CEP162: variants seen among roughly 807,000 people sequenced by gnomAD.
CEP162 encodes the protein centrosomal protein of 162 kDa.
CEP162 carries 141 observed loss-of-function variants against 169.2 expected under a neutral mutation model. The observed-to-expected ratio is 0.83, with a 90% CI of 0.73 to 0.96. The LOEUF (loss-of-function observed/expected upper bound fraction) is 0.96. Ranked by LOEUF, CEP162 falls within the 40% of genes least tolerant of loss-of-function variation. The probability of loss-of-function intolerance (pLI) is 0.00; values close to 1 mark genes in which losing one functional copy is unlikely to be tolerated. For synonymous variants in CEP162, 540 were observed against 526.4 expected, an observed-to-expected ratio of 1.03 and a Z score of -0.35; for missense variants, 1,600 against 1,587.2, an observed-to-expected ratio of 1.01 and a Z score of -0.14.
chr6:84,199,200 C>T (rs2099543401), intron 9 of CEP162, among the ~76,000 whole-genome samples: 1 of 152,102 alleles, frequency 6.6e-6, no homozygotes, highest in Non-Finnish European at 1.5e-5. Flanking sequence ...CTTAAATCAA[C>T]AGCAGTAAAA....
rs1406186511 is a variant in CEP162 at position 84,169,282 on chromosome 6, T to C, written c.2385+46A>G. The C allele has an allele frequency of 2.8e-6, 3 of 1,071,282 alleles. No homozygotes were observed. In the East Asian group the frequency reaches 8.1e-5, roughly 29 times the overall value. 66.4% of individuals were successfully genotyped at this position (1,071,282 alleles called of 1,614,324 possible). On this transcript the variant is annotated intron_variant, in intron 18 of 26. Coordinates refer to ENST00000403245, the MANE Select transcript of CEP162 (RefSeq NM_014895.4). ...ATTTGTATAAAAATGGGGATTTTTATAAAACCTTTATTATCCCTAATAGTC... is the reference window on the plus strand; with the variant it reads ...ATTTGTATAAAAATGGGGATTTTTACAAAACCTTTATTATCCCTAATAGTC...
chr6:84,175,758 G>A (rs761081407), intron 13 of CEP162, among the ~76,000 whole-genome samples: 42 of 152,104 alleles, frequency 2.8e-4, no homozygotes, highest in African/African-American at 9.6e-4. Flanking sequence ...ATTTTGGTGC[G>A]GACTAAGTGT....
At chr6:84,133,370 C>G (rs2099512435) in intron 25 of CEP162, among the ~76,000 whole-genome samples, 1 of 152,164 alleles carries the variant, frequency 6.6e-6, no homozygotes, top group South Asian at 2.1e-4. Flanking sequence ...CTGGGAGAAC[C>G]ACTACTCTCT....
At chr6:84,189,463 G>GCAGC (rs1346890998) in intron 11 of CEP162, among the ~76,000 whole-genome samples, 1 of 152,242 alleles carries the variant, frequency 6.6e-6, no homozygotes, top group Admixed American at 6.5e-5. Flanking sequence ...CGCACTCGGA[G>GCAGC]CAGCCAGCCA....
At chr6:84,219,930 G>A (rs1387327865) in intron 3 of CEP162, among the ~76,000 whole-genome samples, 1 of 152,174 alleles carries the variant, frequency 6.6e-6, no homozygotes, top group Non-Finnish European at 1.5e-5. Flanking sequence ...AGAGCTAGAA[G>A]ATAGAGTGAA....
intron 21 of CEP162, among the ~76,000 whole-genome samples, chr6:84,158,591 T>C (rs961042395): frequency 1.2e-4 from 19 of 152,200 alleles, no homozygotes; most frequent in African/African-American, 3.9e-4. Context: ...AATTGGGATA[T>C]ATCCATCTAC....
chr6:84,186,728 ATTG>A (rs2099537342), intron 11 of CEP162, 105 bp from the exon 12 acceptor site: 7 of 870,314 alleles, frequency 8.0e-6, no homozygotes, highest in Admixed American at 3.0e-5. Context: ...ATATATTTGA[ATTG>A]TTAACTATTC....
intron 13 of CEP162, among the ~76,000 whole-genome samples, chr6:84,184,402 C>T (rs1365331750): frequency 1.3e-5 from 2 of 152,106 alleles, no homozygotes; most frequent in Non-Finnish European, 2.9e-5. Flanking sequence ...CTCCTATTCT[C>T]GCTTACTGCC....
chr6:84,199,307 T>C (rs1427165816), intron 9 of CEP162, among the ~76,000 whole-genome samples: 1 of 152,160 alleles, frequency 6.6e-6, no homozygotes, highest in Non-Finnish European at 1.5e-5. Context: ...TTATGTCTTA[T>C]AGTTGTAATT....
chr6:84,139,463 G>T (rs2099515592), intron 25 of CEP162, among the ~76,000 whole-genome samples: 1 of 152,102 alleles, frequency 6.6e-6, no homozygotes, highest in Admixed American at 6.6e-5. Context: ...TCTGTCTTTT[G>T]TTACAGTGGC....
rs116369149 is a variant in CEP162, at chr6:84,211,113, T to C, written c.571+1844A>G. 1.9e-3 allele frequency among the ~76,000 whole-genome samples: 291 copies of C among 151,702 alleles called. 1 individual carries two copies. The highest frequency in any genetic ancestry group is 6.7e-3 in the African/African-American group (278 of 41,324). ...AAGACACACAGAAATGAACAAATAC[T>C]GAGATCTGTAAAATATGTTTAATAT... On this transcript the variant is annotated intron_variant, in intron 6 of 26. Transcript: ENST00000403245.
At position 84,171,853 on chromosome 6, in the gene CEP162, T is replaced by A. The variant is rs187773146; in HGVS notation, c.2167-135A>T. The A allele has an allele frequency of 2.4e-3, 985 of 407,780 alleles. 27 individuals carry two copies. The Admixed American group carries it at 0.036, about 15-fold the overall frequency. 25.3% of individuals were successfully genotyped at this position (407,780 alleles called of 1,614,324 possible). Reference sequence around the variant, plus strand: ...TAGCTTTTGCGTATGTAAAGTCTTTTTTAAACTTTTTATATTATATCTGAA... The same window carrying A: ...TAGCTTTTGCGTATGTAAAGTCTTTATTAAACTTTTTATATTATATCTGAA... On this transcript the variant is annotated intron_variant, in intron 16 of 26. Transcript: ENST00000403245.
intron 25 of CEP162, among the ~76,000 whole-genome samples, chr6:84,134,814 C>G (rs377552213): frequency 4.7e-4 from 71 of 151,998 alleles, no homozygotes; most frequent in Non-Finnish European, 6.8e-4. Context: ...GCCTCCCCCC[C>G]ACAGATTAAA....
At chr6:84,143,537 T>A (rs2099517564) in intron 25 of CEP162, among the ~76,000 whole-genome samples, 2 of 151,856 alleles carry the variant, frequency 1.3e-5, no homozygotes, top group Non-Finnish European at 1.5e-5. Context: ...AATAATTAAA[T>A]CTGTACTAAA....
intron 13 of CEP162, among the ~76,000 whole-genome samples, chr6:84,177,311 T>C (rs903837134): frequency 6.6e-6 from 1 of 152,204 alleles, no homozygotes; most frequent in Admixed American, 6.5e-5. Flanking sequence ...CCCTTCCCTG[T>C]ACCCCACCAC....
chr6:84,219,337 T>C (rs1054898397), intron 3 of CEP162: 4 of 381,730 alleles, frequency 1.0e-5, no homozygotes, highest in South Asian at 4.2e-5. Flanking sequence ...GCTTCTTGAC[T>C]ATCCTTCTTT....
chr6:84,157,200 C>T (rs2099523558), intron 21 of CEP162, among the ~76,000 whole-genome samples: 1 of 152,132 alleles, frequency 6.6e-6, no homozygotes, highest in Non-Finnish European at 1.5e-5. Context: ...TTAGATTATG[C>T]TACACTTGTC....
intron 24 of CEP162, among the ~76,000 whole-genome samples, chr6:84,147,021 T>C (rs1057377073): frequency 1.3e-5 from 2 of 152,120 alleles, no homozygotes; most frequent in Non-Finnish European, 2.9e-5. Flanking sequence ...GAAATTTGTA[T>C]ATCAAACGGA....
chr6:84,191,465 G>A (rs777948392), intron 11 of CEP162, among the ~76,000 whole-genome samples: 2 of 152,216 alleles, frequency 1.3e-5, no homozygotes, highest in Admixed American at 6.5e-5. Context: ...GGTTCTCAAA[G>A]TTGTAACATT....
Sources: allele counts gnomAD v4.1 joint callset (sites outside exome capture counted in the v4.1 genomes callset), GRCh38; gene constraint gnomAD v4.1.1; transcripts MANE v1.5; gene names NCBI Gene and HGNC (gene_info 2026-07-23, HGNC 2026-07-21).